The following NFATC2 variants were observed in gnomAD, a reference collection of about 807,000 sequenced individuals.
The protein encoded by NFATC2 is nuclear factor of activated T cells 2, also known as nuclear factor of activated T-cells, cytoplasmic 2.
Under a neutral mutation model 87.3 loss-of-function variants are expected in NFATC2, and 22 were observed. The observed-to-expected ratio is 0.25, with a 90% CI of 0.18 to 0.36. The LOEUF is 0.36. NFATC2 is among the 10% of genes least tolerant of loss of function. The pLI is 1.00. For missense variants in NFATC2, 1,149 were observed against 1,259.1 expected, an observed-to-expected ratio of 0.91 and a Z score of 1.32; for synonymous variants, 565 against 542.2, an observed-to-expected ratio of 1.04 and a Z score of -0.58.
intron 1 of NFATC2, among the ~76,000 whole-genome samples, chr20:51,539,387 G>A (rs188186069): frequency 2.2e-4 from 33 of 152,296 alleles, no homozygotes; most frequent in Admixed American, 5.9e-4. Context: ...GCAAAGAGAG[G>A]TGACTGCTAT....
intron 5 of NFATC2, 141 bp from the exon 6 acceptor site, chr20:51,454,829 C>G: frequency 2.2e-6 from 2 of 913,886 alleles, no homozygotes; most frequent in Non-Finnish European, 3.3e-6. Context: ...GAACCATCAC[C>G]CCTGACAATC....
In NFATC2 at chr20:51,542,559, G is replaced by A. The variant is rs1373823151; in HGVS notation, c.-60C>T. The A allele has an allele frequency of 1.5e-6, 2 of 1,308,964 alleles. No homozygotes were observed. Among genetic ancestry groups the A allele is most frequent in the African/African-American group, 1.6e-5 (1 of 63,998 alleles). 81.1% of individuals were successfully genotyped at this position (1,308,964 alleles called of 1,614,324 possible). On this transcript the variant is annotated 5_prime_UTR_variant, in exon 1 of 11. Transcript: ENST00000371564. ...CGAGGGCGGGCGCGGCTGGCTCTGG[G>A]ACCCCTCGCAGTGGGGCTGGCGGAG...
At chr20:51,435,621 G>T in intron 7 of NFATC2, 85 bp downstream of exon 7, 1 of 1,430,302 alleles carries the variant, frequency 7.0e-7, no homozygotes, top group Non-Finnish European at 9.7e-7. Context: ...GGACACTGAT[G>T]AAGGAAGGAG....
At chr20:51,405,632 C>A (rs1297005929) in intron 9 of NFATC2, among the ~76,000 whole-genome samples, 1 of 152,170 alleles carries the variant, frequency 6.6e-6, no homozygotes, top group Non-Finnish European at 1.5e-5. Context: ...TAACACCAAC[C>A]TCTCACTGGT....
intron 3 of NFATC2, among the ~76,000 whole-genome samples, chr20:51,510,369 G>A (rs988840907): frequency 2.0e-5 from 3 of 152,278 alleles, no homozygotes; most frequent in South Asian, 2.1e-4. Flanking sequence ...AACACTTAAA[G>A]CCCAACCTTG....
intron 9 of NFATC2, among the ~76,000 whole-genome samples, chr20:51,416,408 C>A (rs1452479121): frequency 1.3e-5 from 2 of 152,234 alleles, no homozygotes; most frequent in African/African-American, 4.8e-5. Context: ...CTGGGATTCC[C>A]AGGGTGCCAG....
chr20:51,458,114 C>T (rs1986765722), intron 5 of NFATC2, among the ~76,000 whole-genome samples: 2 of 152,078 alleles, frequency 1.3e-5, no homozygotes, highest in Admixed American at 6.6e-5. Flanking sequence ...TGGGCTCAAG[C>T]GATCTGCCTG....
chr20:51,435,109 G>A (rs1439451791), intron 8 of NFATC2, 79 bp downstream of exon 8: 3 of 1,554,808 alleles, frequency 1.9e-6, no homozygotes, highest in Non-Finnish European at 2.6e-6. Flanking sequence ...TACCCGGCTA[G>A]GAGCAGACTT....
At chr20:51,522,310 T>A (rs957180275) in intron 2 of NFATC2, among the ~76,000 whole-genome samples, 22 of 152,196 alleles carry the variant, frequency 1.4e-4, no homozygotes, top group African/African-American at 5.1e-4. Context: ...GGGGAAGCTC[T>A]TGATTGATTA....
intron 3 of NFATC2, among the ~76,000 whole-genome samples, chr20:51,513,981 C>T (rs1422317694): frequency 6.6e-6 from 1 of 152,242 alleles, no homozygotes. Flanking sequence ...ATCCCAGCTC[C>T]ACCATTTAAT....
At chr20:51,453,934 T>C (rs1381232743) in intron 6 of NFATC2, among the ~76,000 whole-genome samples, 1 of 152,218 alleles carries the variant, frequency 6.6e-6, no homozygotes, top group Non-Finnish European at 1.5e-5. Context: ...GATATACATA[T>C]AGATTCATGT....
intron 1 of NFATC2, among the ~76,000 whole-genome samples, chr20:51,540,667 T>TTTTTTTTTTTTTTGTTTG (rs1555818370): frequency 6.8e-6 from 1 of 147,232 alleles, no homozygotes; most frequent in Non-Finnish European, 1.5e-5. Flanking sequence ...TGTTTTTTTT[T>TTTTTTTTTTTTTTGTTTG]TTTTGAGAAA....
intron 1 of NFATC2, among the ~76,000 whole-genome samples, chr20:51,540,306 C>T (rs2076786155): frequency 6.6e-6 from 1 of 152,218 alleles, no homozygotes; most frequent in Non-Finnish European, 1.5e-5. Context: ...AGCCACCACG[C>T]CTGGCTGGAT....
chr20:51,523,647 G>C lies in NFATC2; in HGVS notation c.594C>G (p.Pro198=), dbSNP rs201971596. 13 of 1,613,650 alleles carry C rather than the reference G, an allele frequency of 8.1e-6. No homozygotes were observed. The highest frequency in any genetic ancestry group is 9.3e-6 in the Non-Finnish European group (11 of 1,179,832). The change falls in exon 2 of 11, where the codon CCC becomes CCG. Residue 198 remains proline, a synonymous_variant. Transcript: ENST00000371564. The surrounding 1 kb of genome is among the most constrained non-coding windows in gnomAD (Gnocchi z 6.9). ...SPCVSPNNGG[P]DDLCPQFQNI... is the part of the protein sequence containing the mutation. ...TTTGAAACTGCGGACACAGGTCGTC[G>C]GGCCCGCCGTTATTGGGCGAGACGC...
chr20:51,435,767 A>G lies in NFATC2; in HGVS notation c.1850-6T>C. On this transcript the variant is annotated splice_polypyrimidine_tract_variant and splice_region_variant and intron_variant, in intron 6 of 10. Transcript: ENST00000371564. ...CTCCCAAATTTGCTGTCCATCTAGA[A>G]AAATTCAAAAATGACAGACTTTGAA... is the stretch of plus-strand genomic sequence containing the variant. 1 of 1,595,114 alleles carries G rather than the reference A, an allele frequency of 6.3e-7. No individual in the cohort carries two copies. The highest frequency in any genetic ancestry group is 8.6e-7 in the Non-Finnish European group (1 of 1,169,166).
rs575530345 is a variant in NFATC2, at chr20:51,496,175, G to A, written c.1333-20515C>T. Among the ~76,000 whole-genome samples the A allele has an allele frequency of 2.0e-5, 3 of 152,254 alleles. 1 individual carries two copies. The highest frequency in any genetic ancestry group is 2.0e-4 in the Admixed American group (3 of 15,294). ...TCCAGTCCAAAGGGAGGATCGAAGCGCAGCTGTTCACAACTTGCCATGCAG... is the reference window on the plus strand; with the variant it reads ...TCCAGTCCAAAGGGAGGATCGAAGCACAGCTGTTCACAACTTGCCATGCAG... On this transcript the variant is annotated intron_variant, in intron 3 of 10. Transcript: ENST00000371564.
At chr20:51,429,695 T>C (rs553342293) in intron 9 of NFATC2, among the ~76,000 whole-genome samples, 1 of 152,318 alleles carries the variant, frequency 6.6e-6, no homozygotes, top group Admixed American at 6.5e-5. Context: ...GCTAGCAGGA[T>C]AAAGACTCTC....
At chr20:51,403,829 T>C (rs1988297647) in intron 9 of NFATC2, among the ~76,000 whole-genome samples, 3 of 152,184 alleles carry the variant, frequency 2.0e-5, no homozygotes, top group Admixed American at 2.0e-4. Flanking sequence ...TGTGAGAAGA[T>C]AAATTTCTGT....
At chr20:51,552,513 G>A (rs35656163) in intron 1 of NFATC2, among the ~76,000 whole-genome samples, 17,622 of 152,144 alleles carry the variant, frequency 0.12, 1,040 homozygotes, top group East Asian at 0.14. Context: ...TTTAAAGCCC[G>A]AAGAGGACTT....
Sources: allele counts gnomAD v4.1 joint callset (sites outside exome capture counted in the v4.1 genomes callset), GRCh38; gene constraint gnomAD v4.1.1; non-coding constraint Gnocchi (gnomAD v3.1); transcripts MANE v1.5; gene names NCBI Gene and HGNC (gene_info 2026-07-23, HGNC 2026-07-21).